The following ALAS2 variants were observed in gnomAD, a reference collection of about 807,000 sequenced individuals.
The protein encoded by ALAS2 is 5'-aminolevulinate synthase 2.
A neutral mutation model predicts 33.7 loss-of-function variants in ALAS2; 3 were observed. The observed-to-expected ratio is 0.09, with a 90% CI of 0.04 to 0.23. The LOEUF is 0.23. Ranked by LOEUF, ALAS2 falls within the 10% of genes least tolerant of loss-of-function variation. The pLI is 1.00. For synonymous variants in ALAS2, 191 were observed against 177.3 expected, an observed-to-expected ratio of 1.08 and a Z score of -0.61; for missense variants, 304 against 475.1, an observed-to-expected ratio of 0.64 and a Z score of 3.35.
intron 10 of ALAS2, 60 bp from the exon 11 acceptor site, chrX:55,009,403 T>C (rs1301302417): frequency 9.1e-7 from 1 of 1,099,169 alleles, no homozygotes; most frequent in African/African-American, 1.8e-5. Flanking sequence ...TCCAAATCTG[T>C]CACAGTACAG....
chrX:55,015,223 A>T (rs1935678767), intron 8 of ALAS2, among the ~76,000 whole-genome samples: 1 of 110,515 alleles, frequency 9.0e-6, no homozygotes, highest in Non-Finnish European at 1.9e-5. Flanking sequence ...GCCATATGCA[A>T]TGACTAGATA....
At position 55,009,069 on chromosome X, in the gene ALAS2, C is replaced by T; in HGVS notation, c.*111G>A. On this transcript the variant is annotated 3_prime_UTR_variant, in exon 11 of 11. Coordinates refer to ENST00000650242, the MANE Select transcript of ALAS2 (RefSeq NM_000032.5). ...AAGGCTTCACATGCTGTGGTTTGTGCTTTATTTTTAGGCTCAATTCAGCTA... is the reference window on the plus strand; with the variant it reads ...AAGGCTTCACATGCTGTGGTTTGTGTTTTATTTTTAGGCTCAATTCAGCTA... 1 of 1,009,293 alleles carries T rather than the reference C, an allele frequency of 9.9e-7. No individual in the cohort carries two copies. Among genetic ancestry groups the T allele is most frequent in the Admixed American group, 2.7e-5 (1 of 36,614 alleles). 83.2% of individuals were successfully genotyped at this position (1,009,293 alleles called of 1,213,427 possible).
intron 10 of ALAS2, among the ~76,000 whole-genome samples, chrX:55,010,289 A>G: frequency 9.0e-6 from 1 of 111,490 alleles, no homozygotes; most frequent in Non-Finnish European, 1.9e-5. Context: ...CCCTGCTTCC[A>G]CCCTTGCTCC....
At chrX:55,011,664 T>C (rs1935604061) in intron 10 of ALAS2, among the ~76,000 whole-genome samples, 1 of 112,086 alleles carries the variant, frequency 8.9e-6, no homozygotes, top group Admixed American at 9.4e-5. Flanking sequence ...ATGGATTGGC[T>C]ATGGAACTTA....
intron 1 of ALAS2, chrX:55,027,748 T>C: frequency 8.3e-7 from 1 of 1,210,613 alleles, no homozygotes; most frequent in Non-Finnish European, 1.1e-6. Context: ...ACCCTCCCCG[T>C]ACCTCACAAA....
intron 10 of ALAS2, among the ~76,000 whole-genome samples, chrX:55,011,993 G>A (rs1312740640): frequency 8.9e-6 from 1 of 111,950 alleles, no homozygotes; most frequent in Admixed American, 9.4e-5. Context: ...AACTCTTGAG[G>A]TTGTTGTGGG....
chrX:55,029,576 C>G (rs1935954665), intron 1 of ALAS2, among the ~76,000 whole-genome samples: 1 of 111,327 alleles, frequency 9.0e-6, no homozygotes, highest in African/African-American at 3.3e-5. Context: ...CATTTATCTC[C>G]TCTGCTGCAC....
At chrX:55,028,231 G>C (rs1226043730) in intron 1 of ALAS2, among the ~76,000 whole-genome samples, 1 of 110,702 alleles carries the variant, frequency 9.0e-6, no homozygotes, top group East Asian at 2.8e-4. Flanking sequence ...TCGCCATTGG[G>C]GTCTGACCAC....
chrX:55,014,690 C>T (rs1331522746), intron 9 of ALAS2, 57 bp downstream of exon 9: 5 of 1,084,799 alleles, frequency 4.6e-6, no homozygotes, highest in Non-Finnish European at 6.0e-6. Flanking sequence ...TTGTTGGGAG[C>T]GTGAGGCTCC....
intron 1 of ALAS2, among the ~76,000 whole-genome samples, chrX:55,028,028 C>G (rs1935921034): frequency 8.9e-6 from 1 of 111,858 alleles, no homozygotes; most frequent in Admixed American, 9.5e-5. Flanking sequence ...AAATCACTTC[C>G]CCTCTCTGGA....
At chrX:55,026,234 A>G (rs980690286) in intron 1 of ALAS2, among the ~76,000 whole-genome samples, 1 of 111,978 alleles carries the variant, frequency 8.9e-6, no homozygotes, top group East Asian at 2.8e-4. Context: ...GGGGTGAAGG[A>G]AACAGTTCTA....
At position 55,017,477 on chromosome X, in the gene ALAS2, T is replaced by C. The variant is rs778942571; in HGVS notation, c.1003+9A>G. On this transcript the variant is annotated intron_variant, in intron 7 of 10. Transcript: ENST00000650242. Reference sequence around the variant, plus strand: ...ACACTAGTAAACATACACTCACTCATATACATACCATCCATGGAGTGGACA... The same window carrying C: ...ACACTAGTAAACATACACTCACTCACATACATACCATCCATGGAGTGGACA... 3 of 1,202,371 alleles carry C rather than the reference T, an allele frequency of 2.5e-6. No homozygotes were observed. Among genetic ancestry groups the C allele is most frequent in the Non-Finnish European group, 2.3e-6 (2 of 887,033 alleles).
chrX:55,009,446 C>G (rs1935563721), intron 10 of ALAS2, 103 bp from the exon 11 acceptor site: 1 of 859,766 alleles, frequency 1.2e-6, no homozygotes. Flanking sequence ...CTCAACCCTT[C>G]AAGATACCTC....
chrX:55,024,970 G>A, intron 2 of ALAS2, 130 bp from the exon 3 acceptor site: 5 of 895,809 alleles, frequency 5.6e-6, no homozygotes, highest in Middle Eastern at 2.7e-4. Flanking sequence ...AGATAGATGA[G>A]TCTGGTCCCT....
intron 9 of ALAS2, 110 bp downstream of exon 9, chrX:55,014,637 T>C: frequency 1.0e-6 from 1 of 957,923 alleles, no homozygotes; most frequent in Non-Finnish European, 1.4e-6. Flanking sequence ...AAGGGAATGG[T>C]TAGCAGGAAA....
chrX:55,023,613 C>T, intron 4 of ALAS2, 144 bp downstream of exon 4: 1 of 514,123 alleles, frequency 1.9e-6, no homozygotes, highest in Non-Finnish European at 3.3e-6. Flanking sequence ...ACACCTAGAT[C>T]CAGCAAGTGC....
chrX:55,010,613 C>T (rs1224938121), intron 10 of ALAS2, among the ~76,000 whole-genome samples: 1 of 111,023 alleles, frequency 9.0e-6, no homozygotes, highest in Admixed American at 9.6e-5. Context: ...AGATATCTGC[C>T]TCACTAACTT....
intron 6 of ALAS2, among the ~76,000 whole-genome samples, chrX:55,018,552 T>G (rs972894507): frequency 8.9e-6 from 1 of 111,872 alleles, no homozygotes; most frequent in Non-Finnish European, 1.9e-5. Flanking sequence ...AAGTAAACAT[T>G]TATTAAATGA....
At chrX:55,013,253 A>T (rs1935633953) in intron 10 of ALAS2, among the ~76,000 whole-genome samples, 1 of 111,569 alleles carries the variant, frequency 9.0e-6, no homozygotes, top group African/African-American at 3.3e-5. Flanking sequence ...TGGAGCTTTG[A>T]TCATCCCTTA....
Sources: gnomAD v4.1 joint callset for allele counts (sites outside exome capture counted in the v4.1 genomes callset) on GRCh38, gnomAD v4.1.1 for gene constraint, MANE v1.5 for transcripts, NCBI Gene and HGNC (gene_info 2026-07-23, HGNC 2026-07-21) for gene names.